The following SLC41A3 variants were observed in gnomAD, a reference collection of about 807,000 sequenced individuals.
SLC41A3 encodes the protein SLC41A1-like 2.
A neutral mutation model predicts 45.4 loss-of-function variants in SLC41A3; 44 were observed. That is an observed-to-expected ratio of 0.97 (90% CI 0.76 to 1.25). The LOEUF is 1.25. SLC41A3 is among the 50% of genes most tolerant of loss of function. SLC41A3 has a pLI of 0.00. For synonymous variants in SLC41A3, 256 were observed against 252.4 expected (o/e 1.01, Z -0.13); for missense variants, 550 against 600.6 (o/e 0.92, Z 0.88).
chr3:126,056,888 A>T, intron 2 of SLC41A3: 1 of 1,149,414 alleles, frequency 8.7e-7, no homozygotes, highest in Non-Finnish European at 1.1e-6. Flanking sequence ...ATGGAGGCTC[A>T]TGGTCCCTCT....
intron 10 of SLC41A3, among the ~76,000 whole-genome samples, chr3:126,008,400 AGT>A (rs1368190232): frequency 6.7e-6 from 1 of 148,818 alleles, no homozygotes; most frequent in Non-Finnish European, 1.5e-5. Flanking sequence ...TGTGGTGTGG[AGT>A]GTGTGGGTTG....
chr3:126,092,012 T>C (rs1371218390), intron 1 of SLC41A3, among the ~76,000 whole-genome samples: 1 of 152,198 alleles, frequency 6.6e-6, no homozygotes, highest in Non-Finnish European at 1.5e-5. Flanking sequence ...TTCAGGTCCT[T>C]GGCCAAGAGG....
chr3:126,050,860 G>GC, intron 3 of SLC41A3, 83 bp downstream of exon 3: 2 of 1,485,824 alleles, frequency 1.3e-6, no homozygotes, highest in Non-Finnish European at 1.8e-6. Flanking sequence ...CCAACCCACC[G>GC]CCCACAAGCC....
rs555988150 is a variant in SLC41A3 at position 126,095,440 on chromosome 3, A to G, written c.-79+5989T>C. The G allele has an allele frequency of 8.1e-6, 4 of 493,210 alleles. No homozygotes were observed. The East Asian group carries it at 1.0e-4, about 13-fold the overall frequency. The allele number at this position is 493,210 out of a possible 1,614,324, so 30.6% of individuals were successfully genotyped here. ...GAAAGCGAGACAGCCAGTCACAATGAGTAATTTAATAGTAGCTACGATAGT... is the reference window on the plus strand; with the variant it reads ...GAAAGCGAGACAGCCAGTCACAATGGGTAATTTAATAGTAGCTACGATAGT... On this transcript the variant is annotated intron_variant, in intron 1 of 9. Coordinates refer to the SLC41A3 transcript ENST00000508835.
chr3:126,066,831 G>A (rs577651611), intron 2 of SLC41A3, among the ~76,000 whole-genome samples: 100 of 152,264 alleles, frequency 6.6e-4, no homozygotes, highest in African/African-American at 2.0e-3. Flanking sequence ...TTACTCATGC[G>A]GTCCTAAGAC....
chr3:126,032,585 C>T (rs760923692), intron 4 of SLC41A3, among the ~76,000 whole-genome samples: 19 of 152,140 alleles, frequency 1.2e-4, no homozygotes, highest in Non-Finnish European at 2.5e-4. Flanking sequence ...TGGGCTGATT[C>T]CCAAAGTGAG....
At chr3:126,084,522 C>T (rs1344290301), upstream of SLC41A3, 4 of 151,418 alleles carry the variant, frequency 2.6e-5, no homozygotes, top group African/African-American at 9.8e-5. Flanking sequence ...AAAACAACAA[C>T]GACAAGTCTG....
intron 6 of SLC41A3, among the ~76,000 whole-genome samples, chr3:126,021,994 A>C (rs1314455734): frequency 6.6e-6 from 1 of 152,250 alleles, no homozygotes; most frequent in South Asian, 2.1e-4. Flanking sequence ...AAATACCTTT[A>C]AACAACTGCC....
At position 126,067,714 on chromosome 3, in the gene SLC41A3, T is replaced by C. The variant is rs981903411; in HGVS notation, c.273+233A>G. ...AGAAGGGAAATGATTAAGTAAATTT[T>C]GGTCTACATCAATCATATGGGCTAA... On this transcript the variant is annotated intron_variant, in intron 2 of 10. Transcript: ENST00000360370. 37 of 579,020 alleles carry C rather than the reference T, an allele frequency of 6.4e-5. 1 individual carries two copies. The highest frequency in any genetic ancestry group is 1.1e-4 in the Non-Finnish European group (37 of 325,472). 35.9% of individuals were successfully genotyped at this position (579,020 alleles called of 1,614,324 possible).
At chr3:126,067,546 A>G in intron 2 of SLC41A3, 4 of 440,970 alleles carry the variant, frequency 9.1e-6, no homozygotes, top group South Asian at 3.4e-5. Context: ...GGAGAAACCA[A>G]TGCTGCCAAC....
At chr3:126,056,745 G>A (rs1943695094) in intron 2 of SLC41A3, 1 of 1,418,046 alleles carries the variant, frequency 7.1e-7, no homozygotes, top group East Asian at 2.5e-5. Flanking sequence ...ACAGATGAGT[G>A]AGGAACAAAG....
intron 1 of SLC41A3, among the ~76,000 whole-genome samples, chr3:126,090,358 G>A (rs1407295014): frequency 1.3e-5 from 2 of 152,116 alleles, no homozygotes; most frequent in Non-Finnish European, 1.5e-5. Context: ...ACAGAAATTG[G>A]TCTTACTATA....
intron 1 of SLC41A3, among the ~76,000 whole-genome samples, chr3:126,091,743 G>C (rs1325764305): frequency 1.3e-5 from 2 of 152,218 alleles, no homozygotes; most frequent in Non-Finnish European, 2.9e-5. Context: ...TTCCTCACTA[G>C]AGACAGCTTT....
chr3:126,037,854 G>A (rs1022996319), intron 3 of SLC41A3, among the ~76,000 whole-genome samples: 7 of 152,210 alleles, frequency 4.6e-5, no homozygotes, highest in Non-Finnish European at 1.0e-4. Context: ...TCAGATTTTT[G>A]AGGCAGCCCC....
chr3:126,096,865 T>C (rs1446238560), intron 1 of SLC41A3, among the ~76,000 whole-genome samples: 1 of 152,190 alleles, frequency 6.6e-6, no homozygotes, highest in East Asian at 1.9e-4. Flanking sequence ...GGTTAGGGTC[T>C]CCCCAACTGA....
intron 3 of SLC41A3, among the ~76,000 whole-genome samples, chr3:126,041,406 G>A (rs1205426087): frequency 1.3e-5 from 2 of 152,118 alleles, no homozygotes; most frequent in African/African-American, 4.8e-5. Context: ...GAGACATCAT[G>A]GTGAAATTCC....
intron 1 of SLC41A3, among the ~76,000 whole-genome samples, chr3:126,089,583 G>T (rs1223811014): frequency 2.0e-5 from 3 of 152,126 alleles, no homozygotes; most frequent in Non-Finnish European, 4.4e-5. Flanking sequence ...ATACTATAGG[G>T]TAGAAGCTGG....
chr3:126,042,285 G>A (rs1385458204), intron 3 of SLC41A3, among the ~76,000 whole-genome samples: 1 of 152,070 alleles, frequency 6.6e-6, no homozygotes, highest in East Asian at 1.9e-4. Context: ...CATTCTGAGG[G>A]ATATTAAGAC....
chr3:126,006,895 A>G lies in SLC41A3; in HGVS notation c.*121T>C. The G allele has an allele frequency of 1.9e-6, 3 of 1,540,240 alleles. No homozygotes were observed. The highest frequency in any genetic ancestry group is 2.6e-6 in the Non-Finnish European group (3 of 1,146,088). On this transcript the variant is annotated 3_prime_UTR_variant, in exon 11 of 11. Coordinates refer to ENST00000360370, the MANE Select transcript of SLC41A3 (RefSeq NM_017836.4). The stretch of plus-strand genomic sequence containing the variant: ...TGAGAGCTACCTTAGCAGACTCACA[A>G]AAGGCTACTGCAGAGGCAGGGGTCA...
Sources: allele counts gnomAD v4.1 joint callset (sites outside exome capture counted in the v4.1 genomes callset), GRCh38; gene constraint gnomAD v4.1.1; transcripts MANE v1.5; gene names NCBI Gene and HGNC (gene_info 2026-07-23, HGNC 2026-07-21).